The following PGPEP1L variants were observed in gnomAD, a reference collection of about 807,000 sequenced individuals.
The protein encoded by PGPEP1L is pyroglutamyl-peptidase 1-like protein.
PGPEP1L carries 7 observed loss-of-function variants against 6.0 expected under a neutral mutation model. The observed-to-expected ratio is 1.17, with a 90% CI of 0.66 to 2.19. The LOEUF (loss-of-function observed/expected upper bound fraction) is 2.19, where lower values mean the gene tolerates loss of function less well. Ranked by LOEUF, PGPEP1L falls within the 30% of genes most tolerant of loss-of-function variation. PGPEP1L has a pLI of 0.00. For synonymous variants in PGPEP1L, 103 were observed against 83.9 expected (o/e 1.23, Z -1.24); for missense variants, 209 against 192.5 (o/e 1.09, Z -0.51).
intron 2 of PGPEP1L, among the ~76,000 whole-genome samples, chr15:98,971,460 C>T (rs1348590673): frequency 6.6e-6 from 1 of 152,064 alleles, no homozygotes; most frequent in Admixed American, 6.6e-5. Flanking sequence ...TACCACTGCG[C>T]TCCAGCCTGG....
At position 98,995,421 on chromosome 15, in the gene PGPEP1L, G is replaced by T. The variant is rs1183306639; in HGVS notation, c.-142+10008C>A. ...CATTTAAAGCCTACAATTCAGGCCGGGTGCAGTGGCTCACACCTGTAATCC... is the reference window on the plus strand; with the variant it reads ...CATTTAAAGCCTACAATTCAGGCCGTGTGCAGTGGCTCACACCTGTAATCC... On this transcript the variant is annotated intron_variant, in intron 2 of 4. Coordinates refer to ENST00000535714, the MANE Select transcript of PGPEP1L (RefSeq NM_001167902.2). Among the ~76,000 whole-genome samples, 4 of 152,126 alleles carry T rather than the reference G, an allele frequency of 2.6e-5. No homozygotes were observed. The East Asian group carries it at 7.7e-4, about 29-fold the overall frequency.
chr15:99,000,800 A>G (rs782817798), intron 2 of PGPEP1L, among the ~76,000 whole-genome samples: 11 of 152,084 alleles, frequency 7.2e-5, no homozygotes, highest in Non-Finnish European at 1.5e-4. Context: ...GTGGGGCCAG[A>G]TAAGAGAAAA....
At chr15:98,979,193 C>T (rs569437839) in intron 2 of PGPEP1L, among the ~76,000 whole-genome samples, 2 of 152,160 alleles carry the variant, frequency 1.3e-5, no homozygotes, top group Admixed American at 6.5e-5. Context: ...TGGATTTCAT[C>T]AAATCTAAGT....
At chr15:98,970,962 C>A in intron 3 of PGPEP1L, 74 bp downstream of exon 3, 1 of 1,586,690 alleles carries the variant, frequency 6.3e-7, no homozygotes, top group Non-Finnish European at 8.6e-7. Context: ...ACCCTAGAAC[C>A]AGGACCCGGG....
chr15:98,998,911 G>T (rs1363767738), intron 2 of PGPEP1L, among the ~76,000 whole-genome samples: 1 of 152,214 alleles, frequency 6.6e-6, no homozygotes, highest in African/African-American at 2.4e-5. Flanking sequence ...GAAGGCAGAG[G>T]TTGCAGTGAG....
intron 2 of PGPEP1L, among the ~76,000 whole-genome samples, chr15:98,975,372 T>C (rs1372221740): frequency 6.6e-6 from 1 of 152,200 alleles, no homozygotes; most frequent in African/African-American, 2.4e-5. Context: ...GATACAAAAA[T>C]GCAGTTAGAA....
At chr15:98,981,904 T>A (rs1480758085) in intron 2 of PGPEP1L, among the ~76,000 whole-genome samples, 17 of 152,128 alleles carry the variant, frequency 1.1e-4, no homozygotes, top group Admixed American at 1.1e-3. Context: ...GGGTAAGGAC[T>A]CTAGACTTGC....
Position 98,969,656 on chromosome 15 carries a change from G to A in PGPEP1L, c.-18-5C>T. The A allele has an allele frequency of 6.2e-7, 1 of 1,609,724 alleles. No individual in the cohort carries two copies. Reference sequence around the variant, plus strand: ...CATGCCCACATGCACGACGAGCTGTGTGAACGGGTAACAGCAGAGAGAACC... The same window carrying A: ...CATGCCCACATGCACGACGAGCTGTATGAACGGGTAACAGCAGAGAGAACC... On this transcript the variant is annotated splice_region_variant and splice_polypyrimidine_tract_variant and intron_variant, in intron 3 of 4. Coordinates refer to ENST00000535714, the MANE Select transcript of PGPEP1L (RefSeq NM_001167902.2).
intron 2 of PGPEP1L, among the ~76,000 whole-genome samples, chr15:98,995,731 T>G (rs1196132120): frequency 6.6e-6 from 1 of 152,284 alleles, no homozygotes; most frequent in South Asian, 2.1e-4. Flanking sequence ...TTTTAGTAGA[T>G]GCAGAGTTAT....
chr15:98,970,590 A>C (rs1200071666), intron 3 of PGPEP1L, among the ~76,000 whole-genome samples: 1 of 151,830 alleles, frequency 6.6e-6, no homozygotes, highest in Non-Finnish European at 1.5e-5. Context: ...TTATACAGTA[A>C]TTATGTCCAG....
At chr15:98,994,683 TCA>T (rs782235954) in intron 2 of PGPEP1L, among the ~76,000 whole-genome samples, 43 of 152,330 alleles carry the variant, frequency 2.8e-4, no homozygotes, top group Non-Finnish European at 5.4e-4. Flanking sequence ...TCCTTGCATT[TCA>T]CACTGTCTTT....
chr15:98,972,093 C>CTGTA (rs1208558663), intron 2 of PGPEP1L, among the ~76,000 whole-genome samples: 14 of 152,208 alleles, frequency 9.2e-5, no homozygotes, highest in Admixed American at 4.6e-4. Context: ...TGGTTCACAC[C>CTGTA]TGTAATCCCA....
chr15:99,005,902 C>T (rs1327508204), intron 1 of PGPEP1L, among the ~76,000 whole-genome samples: 1 of 152,152 alleles, frequency 6.6e-6, no homozygotes, highest in Non-Finnish European at 1.5e-5. Context: ...GTGGGCTACC[C>T]TACAAGTCGT....
chr15:98,981,548 G>A (rs2017663887), intron 2 of PGPEP1L, among the ~76,000 whole-genome samples: 1 of 151,360 alleles, frequency 6.6e-6, no homozygotes. Flanking sequence ...AGGTAAGTCT[G>A]AGAAATGGCC....
At chr15:98,977,737 A>G (rs868381692) in intron 2 of PGPEP1L, among the ~76,000 whole-genome samples, 1 of 152,120 alleles carries the variant, frequency 6.6e-6, no homozygotes, top group Admixed American at 6.5e-5. Flanking sequence ...TTTTTGGTCT[A>G]TGTGTTCTGT....
intron 2 of PGPEP1L, among the ~76,000 whole-genome samples, chr15:98,980,690 G>A (rs1281661496): frequency 1.3e-5 from 2 of 152,282 alleles, no homozygotes; most frequent in East Asian, 1.9e-4. Flanking sequence ...CCAGCACTTT[G>A]GGAGGCCGAG....
intron 2 of PGPEP1L, among the ~76,000 whole-genome samples, chr15:98,972,226 G>A (rs776567684): frequency 1.3e-5 from 2 of 152,040 alleles, no homozygotes; most frequent in Non-Finnish European, 2.9e-5. Flanking sequence ...GGTGGCAAAT[G>A]CCTGTAATCC....
At chr15:99,001,377 G>A (rs782382630) in intron 2 of PGPEP1L, 5 of 182,440 alleles carry the variant, frequency 2.7e-5, no homozygotes, top group African/African-American at 4.8e-5. Flanking sequence ...AAGTATATTA[G>A]TGGTTGCCAG....
intron 2 of PGPEP1L, among the ~76,000 whole-genome samples, chr15:98,983,351 G>A (rs1473409580): frequency 6.6e-6 from 1 of 152,000 alleles, no homozygotes; most frequent in Non-Finnish European, 1.5e-5. Flanking sequence ...TGTAAGAAAG[G>A]CACCAGGCCA....
Sources: allele counts gnomAD v4.1 joint callset (sites outside exome capture counted in the v4.1 genomes callset), GRCh38; gene constraint gnomAD v4.1.1; transcripts MANE v1.5; gene names NCBI Gene and HGNC (gene_info 2026-07-23, HGNC 2026-07-21).